The following KIAA1217 variants were observed in gnomAD, a reference collection of about 807,000 sequenced individuals.
The protein encoded by KIAA1217 is KIAA1217, also known as sickle tail protein homolog.
Under a neutral mutation model 163.9 loss-of-function variants are expected in KIAA1217, and 88 were observed. That is an observed-to-expected ratio of 0.54 (90% CI 0.45 to 0.64). The LOEUF is 0.64. KIAA1217 is among the 30% of genes least tolerant of loss of function. The pLI is 0.00. For synonymous variants in KIAA1217, 903 were observed against 923.1 expected (o/e 0.98, Z 0.39); for missense variants, 2,372 against 2,475.0 (o/e 0.96, Z 0.88).
intron 1 of KIAA1217, among the ~76,000 whole-genome samples, chr10:23,927,325 G>GGTGTGTGTGTGTGT (rs57321785): frequency 3.3e-3 from 471 of 143,084 alleles, no homozygotes; most frequent in African/African-American, 7.1e-3. Context: ...CAAGTCATAG[G>GGTGTGTGTGTGTGT]GTGTGTGTGT....
In KIAA1217 at chr10:24,226,422, C is replaced by T. The variant is rs567804504; in HGVS notation, c.354+6513C>T. On this transcript the variant is annotated intron_variant, in intron 2 of 20. Coordinates refer to ENST00000376454, the MANE Select transcript of KIAA1217 (RefSeq NM_019590.5). ...CGGGCAGATCACGAGGTCAGGAGATCGAGACCATCCTGGCTAACACGGTGA... is the reference window on the plus strand; with the variant it reads ...CGGGCAGATCACGAGGTCAGGAGATTGAGACCATCCTGGCTAACACGGTGA... Among the ~76,000 whole-genome samples, 167 of 151,584 alleles carry T rather than the reference C, an allele frequency of 1.1e-3. 1 individual carries two copies. Among genetic ancestry groups the T allele is most frequent in the African/African-American group, 3.8e-3 (159 of 41,316 alleles).
At chr10:24,283,909 A>T (rs220362) in intron 2 of KIAA1217, among the ~76,000 whole-genome samples, 76,383 of 149,808 alleles carry the variant, frequency 0.51, 19,930 homozygotes, top group African/African-American at 0.59. Context: ...CTTTTCCTTT[A>T]TTTTTTTTTT....
At chr10:24,299,371 G>A (rs1156363989) in intron 2 of KIAA1217, among the ~76,000 whole-genome samples, 3 of 152,114 alleles carry the variant, frequency 2.0e-5, no homozygotes, top group African/African-American at 7.2e-5. Context: ...TCACAATCCT[G>A]TAGCTTTCTC....
chr10:24,540,564 A>G (rs2074879808), intron 17 of KIAA1217, among the ~76,000 whole-genome samples: 1 of 152,116 alleles, frequency 6.6e-6, no homozygotes, highest in African/African-American at 2.4e-5. Flanking sequence ...GGCACAGGCC[A>G]TGACCAACCA....
chr10:24,353,525 T>A (rs2048714142), intron 2 of KIAA1217, among the ~76,000 whole-genome samples: 3 of 152,166 alleles, frequency 2.0e-5, no homozygotes, highest in African/African-American at 7.2e-5. Flanking sequence ...AGTGCCCCGC[T>A]GATCACTCAT....
chr10:24,248,089 C>T (rs1196264084), intron 2 of KIAA1217, among the ~76,000 whole-genome samples: 1 of 152,146 alleles, frequency 6.6e-6, no homozygotes, highest in African/African-American at 2.4e-5. Context: ...GTGGTTGTCC[C>T]TTGAAGAAGG....
rs371791875 is a variant in KIAA1217 at position 24,331,640 on chromosome 10, G to A, written c.355-49229G>A. 2.6e-3 allele frequency among the ~76,000 whole-genome samples: 394 copies of A among 152,374 alleles called. 5 individuals carry two copies. The highest frequency in any genetic ancestry group is 9.2e-3 in the African/African-American group (381 of 41,596). ...AATGAAGCGAAGAGCATGGCAGAGG[G>A]CCAAGGAGGAGAAAGGACAAACAGC... On this transcript the variant is annotated intron_variant, in intron 2 of 20. Coordinates refer to ENST00000376454, the MANE Select transcript of KIAA1217 (RefSeq NM_019590.5).
chr10:23,770,605 A>T (rs901255340), intron 1 of KIAA1217, among the ~76,000 whole-genome samples: 7 of 152,212 alleles, frequency 4.6e-5, no homozygotes, highest in African/African-American at 1.7e-4. Flanking sequence ...TTGTAGCATC[A>T]GTCTAAAAAG....
intron 9 of KIAA1217, among the ~76,000 whole-genome samples, chr10:24,509,544 G>A (rs1263741137): frequency 6.6e-6 from 1 of 152,120 alleles, no homozygotes; most frequent in Non-Finnish European, 1.5e-5. Context: ...ATCCTTCTCA[G>A]AAACGTTATA....
At chr10:24,025,587 A>C (rs111906584) in intron 2 of KIAA1217, among the ~76,000 whole-genome samples, 1 of 151,752 alleles carries the variant, frequency 6.6e-6, no homozygotes, top group African/African-American at 2.4e-5. Flanking sequence ...ATGAATCTAC[A>C]GATGAATTGG....
At chr10:24,537,810 A>G (rs543084278) in intron 17 of KIAA1217, among the ~76,000 whole-genome samples, 2 of 152,304 alleles carry the variant, frequency 1.3e-5, no homozygotes, top group African/African-American at 2.4e-5. Context: ...GATGTCAAAA[A>G]AAGAATCCAG....
intron 2 of KIAA1217, among the ~76,000 whole-genome samples, chr10:24,196,136 AACACACACACAC>A (rs66954103): frequency 3.7e-4 from 54 of 144,318 alleles, no homozygotes; most frequent in East Asian, 1.4e-3. Flanking sequence ...CCTGTCTCAA[AACACACACACAC>A]ACACACACAC....
chr10:23,903,857 A>G (rs1005967399), intron 1 of KIAA1217, among the ~76,000 whole-genome samples: 2 of 152,112 alleles, frequency 1.3e-5, no homozygotes, highest in African/African-American at 4.8e-5. Context: ...AGCTTCCCTT[A>G]TATTAAATGA....
chr10:23,762,701 C>G (rs1834320936), intron 1 of KIAA1217, among the ~76,000 whole-genome samples: 1 of 152,144 alleles, frequency 6.6e-6, no homozygotes, highest in Admixed American at 6.5e-5. Flanking sequence ...CCCTTGAAAA[C>G]TGGCACAAGA....
chr10:24,473,093 G>T (rs879313913), intron 5 of KIAA1217, 135 bp from the exon 6 acceptor site: 1 of 595,410 alleles, frequency 1.7e-6, no homozygotes, highest in Non-Finnish European at 2.8e-6. Flanking sequence ...CTTTTGCCAT[G>T]TAAGGAAACA....
At chr10:23,879,891 G>A (rs1243640780) in intron 1 of KIAA1217, among the ~76,000 whole-genome samples, 2 of 151,946 alleles carry the variant, frequency 1.3e-5, no homozygotes, top group African/African-American at 2.4e-5. Flanking sequence ...AAAGGGATGT[G>A]TATGCAGTGG....
At chr10:24,544,929 C>G in intron 19 of KIAA1217, 52 bp from the exon 20 acceptor site, 2 of 1,591,118 alleles carry the variant, frequency 1.3e-6, no homozygotes, top group Admixed American at 3.5e-5. Context: ...TCACAGATGA[C>G]CTACTCATGC....
At chr10:24,164,719 T>A (rs2065266440) in intron 2 of KIAA1217, among the ~76,000 whole-genome samples, 2 of 152,156 alleles carry the variant, frequency 1.3e-5, no homozygotes, top group Non-Finnish European at 2.9e-5. Context: ...GAGACTTGTG[T>A]ATCCCACGTA....
In KIAA1217 at chr10:23,825,012, A is replaced by T. The variant is rs187341622; in HGVS notation, c.-321+129778A>T. Among the ~76,000 whole-genome samples the T allele has an allele frequency of 3.0e-3, 455 of 152,254 alleles. 3 individuals are homozygous for T. The highest frequency in any genetic ancestry group is 0.011 in the African/African-American group (440 of 41,540). On this transcript the variant is annotated intron_variant, in intron 1 of 18. Coordinates refer to the KIAA1217 transcript ENST00000376462. ...TGCAGTGTTTAAGATGTTATCGGGA[A>T]CATCTGCTCCACATGGTTTGGTCTC... is the stretch of plus-strand genomic sequence containing the variant.
Sources: allele counts gnomAD v4.1 joint callset (sites outside exome capture counted in the v4.1 genomes callset), GRCh38; gene constraint gnomAD v4.1.1; transcripts MANE v1.5; gene names NCBI Gene and HGNC (gene_info 2026-07-23, HGNC 2026-07-21).